Variants in SCN11A observed in about 807,000 individuals in gnomAD.
SCN11A encodes the protein sodium voltage-gated channel alpha subunit 11, also known as sodium channel protein type 11 subunit alpha.
A neutral mutation model predicts 162.2 loss-of-function variants in SCN11A; 122 were observed. That is an observed-to-expected ratio of 0.75 (90% confidence interval 0.65 to 0.87). SCN11A has a LOEUF of 0.87. Ranked by LOEUF, SCN11A falls within the 40% of genes least tolerant of loss-of-function variation. SCN11A has a pLI of 0.00. For missense variants in SCN11A, 2,015 were observed against 2,181.6 expected, an observed-to-expected ratio of 0.92 and a Z score of 1.52; for synonymous variants, 758 against 751.5, an observed-to-expected ratio of 1.01 and a Z score of -0.14.
chr3:38,950,800 A>G (rs1043906206), intron 4 of SCN11A, among the ~76,000 whole-genome samples: 3 of 152,264 alleles, frequency 2.0e-5, no homozygotes, highest in Non-Finnish European at 2.9e-5. Flanking sequence ...TGACTGGGCC[A>G]TAGTTATGGA....
chr3:38,990,992 T>A (rs1364668498), intron 2 of SCN11A, among the ~76,000 whole-genome samples: 1 of 152,132 alleles, frequency 6.6e-6, no homozygotes, highest in Non-Finnish European at 1.5e-5. Flanking sequence ...CAATCACATC[T>A]TTCTTCCGTC....
At chr3:39,035,567 G>A (rs1404503539) in intron 1 of SCN11A, among the ~76,000 whole-genome samples, 1 of 152,120 alleles carries the variant, frequency 6.6e-6, no homozygotes, top group East Asian at 1.9e-4. Context: ...TTTTTTTAGA[G>A]ATGGGATCTC....
intron 7 of SCN11A, among the ~76,000 whole-genome samples, chr3:38,935,680 G>T (rs539516337): frequency 6.6e-6 from 1 of 152,186 alleles, no homozygotes; most frequent in East Asian, 1.9e-4. Flanking sequence ...AAACCAGGAA[G>T]AAGTTGACTC....
chr3:38,882,934 A>T (rs1435427264), intron 22 of SCN11A, among the ~76,000 whole-genome samples: 1 of 152,166 alleles, frequency 6.6e-6, no homozygotes, highest in African/African-American at 2.4e-5. Context: ...TACAGTGAAA[A>T]TGTCTAGAAA....
At chr3:39,032,934 T>C (rs1340153975) in intron 1 of SCN11A, among the ~76,000 whole-genome samples, 2 of 152,016 alleles carry the variant, frequency 1.3e-5, no homozygotes, top group East Asian at 1.9e-4. Context: ...GGCAGATCAC[T>C]TGAGGTCAGG....
In SCN11A at chr3:38,883,289, G is replaced by C. The variant is rs1332576882; in HGVS notation, c.3163C>G (p.His1055Asp). The change falls in exon 22 of 30, where the codon CAC becomes GAC. Residue 1055 changes from histidine to aspartate, a missense_variant. His to Asp is a moderately conservative substitution (Grantham distance 81). Coordinates refer to ENST00000302328, the MANE Select transcript of SCN11A (RefSeq NM_001349253.2). The stretch of plus-strand genomic sequence containing the variant: ...ATAATAAAGCTCTCAAACCAGCTGT[G>C]TTTCACTATTTGGTAGCAGGTTTTC... ...LRKTCYQIVK[H>D]SWFESFIIFV... The C allele has an allele frequency of 1.2e-6, 2 of 1,613,798 alleles. No homozygotes were observed. Among genetic ancestry groups the C allele is most frequent in the African/African-American group, 2.7e-5 (2 of 74,892 alleles).
intron 2 of SCN11A, among the ~76,000 whole-genome samples, chr3:39,000,113 G>A (rs2125597934): frequency 6.6e-6 from 1 of 152,298 alleles, no homozygotes; most frequent in South Asian, 2.1e-4. Context: ...CTGCTTTGTA[G>A]CTACTGCCAT....
chr3:38,924,619 T>C (rs1011304058), intron 9 of SCN11A, among the ~76,000 whole-genome samples: 1 of 152,150 alleles, frequency 6.6e-6, no homozygotes, highest in African/African-American at 2.4e-5. Context: ...GTGATCCACC[T>C]GCCTCAGCCT....
chr3:38,872,300 G>A lies in SCN11A; in HGVS notation c.3394-6C>T. 6.8e-7 allele frequency: 1 copy of A among 1,474,496 alleles called. No individual in the cohort carries two copies. Among genetic ancestry groups the A allele is most frequent in the East Asian group, 2.3e-5 (1 of 44,174 alleles). 91.3% of individuals were successfully genotyped at this position (1,474,496 alleles called of 1,614,324 possible). A position where few individuals can be genotyped will look rare whatever the true frequency, so the allele number is the denominator to read the frequency against. ...ATGAGGGTGGTCACAGAGACCTGAT[G>A]GGAAGAGAGGCCACAGATAATGTAC... On this transcript the variant is annotated splice_polypyrimidine_tract_variant and splice_region_variant and intron_variant, in intron 23 of 29. Transcript: ENST00000302328.
In SCN11A at chr3:38,847,724, A is replaced by C. The variant is rs766513795; in HGVS notation, c.4346T>G (p.Leu1449Trp). 1.2e-6 allele frequency: 2 copies of C among 1,600,166 alleles called. No homozygotes were observed. The highest frequency in any genetic ancestry group is 2.2e-5 in the South Asian group (2 of 90,316). ...LSIVSTMISTLENQEHIPFPP... is the reference protein window; with the variant it reads ...LSIVSTMISTWENQEHIPFPP... ...GAAAGGAATGTGCTCCTGATTTTCC[A>C]AGGTAGAAATCATTGTACCTCAGGA... Residue 1449 changes from leucine to tryptophan, a missense_variant, in exon 30 of 30, where the codon TTG (leucine) becomes TGG (tryptophan). Physicochemically the swap from Leu to Trp is moderately conservative, Grantham distance 61. Transcript: ENST00000302328.
At chr3:38,985,241 C>T (rs1187164234) in intron 2 of SCN11A, among the ~76,000 whole-genome samples, 1 of 148,632 alleles carries the variant, frequency 6.7e-6, no homozygotes, top group East Asian at 1.9e-4. Context: ...CATTCTCCTG[C>T]CTTAGCCTCC....
intron 7 of SCN11A, among the ~76,000 whole-genome samples, chr3:38,937,860 C>T (rs1160239195): frequency 6.6e-6 from 1 of 152,174 alleles, no homozygotes; most frequent in Non-Finnish European, 1.5e-5. Flanking sequence ...TACCATTTGA[C>T]CCAGCCATCC....
chr3:39,010,130 A>G (rs533618223), intron 2 of SCN11A, among the ~76,000 whole-genome samples: 3 of 152,254 alleles, frequency 2.0e-5, no homozygotes, highest in Admixed American at 6.5e-5. Context: ...TGAGAAGTCA[A>G]CAGATAATAA....
chr3:39,048,626 C>T (rs1253286278), intron 1 of SCN11A, among the ~76,000 whole-genome samples: 1 of 152,108 alleles, frequency 6.6e-6, no homozygotes, highest in East Asian at 1.9e-4. Context: ...AAAAATACAT[C>T]CACAAATTTA....
At chr3:38,963,451 G>T (rs1377396534) in intron 2 of SCN11A, among the ~76,000 whole-genome samples, 1 of 88,634 alleles carries the variant, frequency 1.1e-5, no homozygotes, top group East Asian at 4.0e-4. Flanking sequence ...ATATGATGGA[G>T]ATATATATAT....
intron 2 of SCN11A, among the ~76,000 whole-genome samples, chr3:38,991,124 A>T (rs1301012391): frequency 6.6e-6 from 1 of 152,188 alleles, no homozygotes; most frequent in East Asian, 1.9e-4. Flanking sequence ...GAAGTGAAAA[A>T]AGTATTTTAT....
rs2064698471 is a variant in SCN11A at position 38,847,689 on chromosome 3, G to C, written c.4381C>G (p.Leu1461Val). The C allele has an allele frequency of 6.2e-7, 1 of 1,612,992 alleles. No homozygotes were observed. Among genetic ancestry groups the C allele is most frequent in the Non-Finnish European group, 8.5e-7 (1 of 1,179,340 alleles). ...NQEHIPFPPT[L>V]FRIVRLARIG... The stretch of plus-strand genomic sequence containing the variant: ...CGAGCCAAGCGGACAATTCTGAAGA[G>C]CGTCGGAGGGAAAGGAATGTGCTCC... Residue 1461 changes from leucine to valine, a missense_variant, in exon 30 of 30, where the codon CTC becomes GTC. Coordinates refer to ENST00000302328, the MANE Select transcript of SCN11A (RefSeq NM_001349253.2).
rs1553644472 is a variant in SCN11A, at chr3:38,950,078, C to CCCCCTG, written c.267+17_267+18insCAGGGG. On this transcript the variant is annotated intron_variant, in intron 5 of 29. Coordinates refer to ENST00000302328, the MANE Select transcript of SCN11A (RefSeq NM_001349253.2). ...GAACACCCCCACCCCCACCCCCCCCCCCCGCCCAATGAAGTACCTTATGAT... is the reference window on the plus strand; with the variant it reads ...GAACACCCCCACCCCCACCCCCCCCCCCCCTGCCCGCCCAATGAAGTACCTTATGAT... 7.1e-6 allele frequency: 1 copy of CCCCCTG among 139,974 alleles called. No homozygotes were observed. The highest frequency in any genetic ancestry group is 3.6e-5 in the African/African-American group (1 of 27,720). The allele number at this position is 139,974 out of a possible 1,614,324, so 8.7% of individuals were successfully genotyped here.
chr3:38,917,653 G>A lies in SCN11A; in HGVS notation c.959+2282C>T, dbSNP rs574026344. 1.2e-4 allele frequency among the ~76,000 whole-genome samples: 18 copies of A among 152,258 alleles called. No individual in the cohort carries two copies. The South Asian group carries it at 2.9e-3, about 25-fold the overall frequency. ...CACACAGTGGAGAACAATAGATACTGGGACCTATTGGATGGTGGAGGTTGA... is the reference window on the plus strand; with the variant it reads ...CACACAGTGGAGAACAATAGATACTAGGACCTATTGGATGGTGGAGGTTGA... On this transcript the variant is annotated intron_variant, in intron 11 of 29. Coordinates refer to ENST00000302328, the MANE Select transcript of SCN11A (RefSeq NM_001349253.2).
Sources: allele counts gnomAD v4.1 joint callset (sites outside exome capture counted in the v4.1 genomes callset), GRCh38; gene constraint gnomAD v4.1.1; transcripts MANE v1.5; gene names NCBI Gene and HGNC (gene_info 2026-07-23, HGNC 2026-07-21).